The following TRAPPC9 variants were observed in gnomAD, a reference collection of about 807,000 sequenced individuals.
TRAPPC9 encodes the protein trafficking protein particle complex subunit 9.
Under a neutral mutation model 124.0 loss-of-function variants are expected in TRAPPC9, and 83 were observed. The ratio of observed to expected loss-of-function variants is 0.67; its 90% confidence interval spans 0.56 to 0.80. TRAPPC9 has a LOEUF of 0.80. Ranked by LOEUF, TRAPPC9 falls within the 30% of genes least tolerant of loss-of-function variation. The pLI is 0.00. For missense variants in TRAPPC9, 1,302 were observed against 1,508.3 expected (o/e 0.86, Z 2.27); for synonymous variants, 638 against 617.5 (o/e 1.03, Z -0.49).
intron 1 of TRAPPC9, among the ~76,000 whole-genome samples, chr8:140,454,500 C>T (rs1047959771): frequency 6.8e-6 from 1 of 148,028 alleles, no homozygotes; most frequent in South Asian, 2.2e-4. Flanking sequence ...ATTAGCCAGG[C>T]GTGGTGGCGC....
At chr8:139,926,474 A>G (rs540114657) in intron 19 of TRAPPC9, among the ~76,000 whole-genome samples, 1 of 152,352 alleles carries the variant, frequency 6.6e-6, no homozygotes, top group South Asian at 2.1e-4. Flanking sequence ...CAGCCGCTAT[A>G]ACCAGACTCC....
intron 17 of TRAPPC9, among the ~76,000 whole-genome samples, chr8:140,113,998 T>C (rs1188310754): frequency 2.6e-5 from 4 of 152,216 alleles, no homozygotes; most frequent in Admixed American, 6.5e-5. Flanking sequence ...TCGAAGTCTC[T>C]GATCAGAATT....
At chr8:140,033,267 C>A (rs1173689804) in intron 17 of TRAPPC9, among the ~76,000 whole-genome samples, 1 of 152,190 alleles carries the variant, frequency 6.6e-6, no homozygotes. Context: ...CAAAAATAAA[C>A]CCACACTGAC....
intron 16 of TRAPPC9, among the ~76,000 whole-genome samples, chr8:140,240,718 A>C (rs1430420578): frequency 6.6e-6 from 1 of 152,042 alleles, no homozygotes; most frequent in African/African-American, 2.4e-5. Context: ...CATTTTGCTT[A>C]ATTTTTTGTA....
At chr8:140,143,648 T>C (rs2130786795) in intron 17 of TRAPPC9, among the ~76,000 whole-genome samples, 1 of 152,336 alleles carries the variant, frequency 6.6e-6, no homozygotes, top group East Asian at 1.9e-4. Context: ...GGCTCCTACA[T>C]TATCTTCTAA....
At chr8:139,821,942 T>C (rs1053966631) in intron 21 of TRAPPC9, among the ~76,000 whole-genome samples, 8 of 152,322 alleles carry the variant, frequency 5.3e-5, no homozygotes, top group African/African-American at 1.9e-4. Flanking sequence ...TGGGCCTAAA[T>C]TGTTCCTTAC....
chr8:139,807,693 T>C (rs1563829922), intron 21 of TRAPPC9, among the ~76,000 whole-genome samples: 1 of 152,134 alleles, frequency 6.6e-6, no homozygotes, highest in East Asian at 1.9e-4. Flanking sequence ...TTACAGCTCC[T>C]CTCTGCTTAA....
intron 3 of TRAPPC9, among the ~76,000 whole-genome samples, chr8:140,438,533 T>C (rs1205596380): frequency 6.6e-6 from 1 of 152,062 alleles, no homozygotes; most frequent in Non-Finnish European, 1.5e-5. Context: ...CAGGGCCTCC[T>C]TCAGAGGACG....
chr8:140,022,029 G>C (rs1256681501), intron 18 of TRAPPC9, among the ~76,000 whole-genome samples: 1 of 152,224 alleles, frequency 6.6e-6, no homozygotes, highest in Admixed American at 6.5e-5. Context: ...TGAAGGGGAA[G>C]ATCTGGGCCA....
intron 10 of TRAPPC9, among the ~76,000 whole-genome samples, chr8:140,306,485 T>C: frequency 9.1e-6 from 1 of 110,202 alleles, no homozygotes; most frequent in African/African-American, 3.9e-5. Flanking sequence ...AGAGCAAGAC[T>C]CTGTCTCAAA....
intron 17 of TRAPPC9, among the ~76,000 whole-genome samples, chr8:140,214,033 CTG>C (rs2063131989): frequency 6.6e-6 from 1 of 152,240 alleles, no homozygotes; most frequent in South Asian, 2.1e-4. Context: ...GCTCTGAAGG[CTG>C]TGCATAAGTT....
At chr8:140,211,821 T>C (rs2063068720) in intron 17 of TRAPPC9, among the ~76,000 whole-genome samples, 1 of 152,068 alleles carries the variant, frequency 6.6e-6, no homozygotes, top group Non-Finnish European at 1.5e-5. Flanking sequence ...GGTCAAGAAA[T>C]GTGTACAGAA....
chr8:139,963,473 C>T (rs572886727), intron 19 of TRAPPC9, among the ~76,000 whole-genome samples: 2 of 152,192 alleles, frequency 1.3e-5, no homozygotes, highest in East Asian at 3.9e-4. Flanking sequence ...CCTGGGTGAG[C>T]GTGGCTTCCT....
intron 17 of TRAPPC9, among the ~76,000 whole-genome samples, chr8:140,078,097 A>C (rs543439459): frequency 4.7e-4 from 72 of 152,360 alleles, no homozygotes; most frequent in African/African-American, 1.6e-3. Flanking sequence ...TTACTGTGAA[A>C]GAAAGAAAAA....
At chr8:140,200,549 G>A (rs1030039654) in intron 17 of TRAPPC9, among the ~76,000 whole-genome samples, 4 of 152,100 alleles carry the variant, frequency 2.6e-5, no homozygotes, top group African/African-American at 4.8e-5. Flanking sequence ...CCCCTGCGGC[G>A]GCGGCATAAG....
intron 17 of TRAPPC9, among the ~76,000 whole-genome samples, chr8:140,214,013 T>G (rs534712905): frequency 6.6e-6 from 1 of 152,206 alleles, no homozygotes; most frequent in African/African-American, 2.4e-5. Flanking sequence ...GGCTCCCACA[T>G]CTCTATGCAG....
intron 17 of TRAPPC9, among the ~76,000 whole-genome samples, chr8:140,209,800 TA>T (rs1409928874): frequency 1.3e-5 from 2 of 152,244 alleles, no homozygotes; most frequent in African/African-American, 4.8e-5. Context: ...CACTGCTCTA[TA>T]AATATGGTTT....
intron 9 of TRAPPC9, among the ~76,000 whole-genome samples, chr8:140,343,963 G>A (rs1441311488): frequency 3.3e-5 from 5 of 152,090 alleles, no homozygotes; most frequent in Admixed American, 6.5e-5. Context: ...CAGAGTGGAG[G>A]GAACGGTGGA....
intron 6 of TRAPPC9, among the ~76,000 whole-genome samples, chr8:140,400,520 T>C (rs767524038): frequency 1.3e-5 from 2 of 152,258 alleles, no homozygotes; most frequent in Non-Finnish European, 2.9e-5. Flanking sequence ...GCTCCCTGTG[T>C]GCTCAATGCT....
Sources: allele counts gnomAD v4.1 joint callset (sites outside exome capture counted in the v4.1 genomes callset), GRCh38; gene constraint gnomAD v4.1.1; transcripts MANE v1.5; gene names NCBI Gene and HGNC (gene_info 2026-07-23, HGNC 2026-07-21).